FABP12: variants seen among roughly 807,000 people sequenced by gnomAD.
FABP12 encodes fatty acid binding protein 12.
A neutral mutation model predicts 13.7 loss-of-function variants in FABP12; 19 were observed. The ratio of observed to expected loss-of-function variants is 1.39; its 90% CI spans 0.97 to 2.04. The LOEUF (loss-of-function observed/expected upper bound fraction) is 2.04, where lower values mean the gene tolerates loss of function less well. FABP12 is among the 30% of genes most tolerant of loss of function. FABP12 has a pLI of 0.00. For synonymous variants in FABP12, 61 were observed against 57.0 expected (o/e 1.07, Z -0.32); for missense variants, 182 against 164.2 (o/e 1.11, Z -0.59).
At chr8:81,534,166 C>G (rs1026932258), upstream of FABP12, among the ~76,000 whole-genome samples, 1 of 152,072 alleles carries the variant, frequency 6.6e-6, no homozygotes, top group African/African-American at 2.4e-5. Context: ...ATATTTTCCT[C>G]TCACTAACAC....
upstream of FABP12, among the ~76,000 whole-genome samples, chr8:81,536,514 G>A (rs1192135058): frequency 6.6e-6 from 1 of 152,202 alleles, no homozygotes; most frequent in Non-Finnish European, 1.5e-5. Flanking sequence ...GGCATGCAAG[G>A]AGAACTCAGG....
At position 81,553,336 on chromosome 8, in the gene FABP12, T is replaced by G. The variant is rs557416445; in HGVS notation, c.-184-13593A>C. On this transcript the variant is annotated intron_variant, in intron 1 of 5. Transcript: ENST00000692030. ...CTAAAATGTATGGCTGGGTGATCAC[T>G]TCTTCATTTGCTACCTTAAATCTTG... 2.6e-5 allele frequency among the ~76,000 whole-genome samples: 4 copies of G among 152,314 alleles called. No homozygotes were observed. In the South Asian group the frequency reaches 8.3e-4, roughly 32 times the overall value.
chr8:81,562,576 AC>A (rs1422684727), intron 1 of FABP12, among the ~76,000 whole-genome samples: 2 of 152,002 alleles, frequency 1.3e-5, no homozygotes, highest in African/African-American at 4.8e-5. Flanking sequence ...TCTGGCATTT[AC>A]CACAGCTTGA....
chr8:81,569,726 T>C (rs913828573), intron 1 of FABP12, among the ~76,000 whole-genome samples: 6 of 152,224 alleles, frequency 3.9e-5, no homozygotes, highest in African/African-American at 9.6e-5. Flanking sequence ...ATGGGTTATT[T>C]ACCCTTGTTG....
intron 1 of FABP12, among the ~76,000 whole-genome samples, chr8:81,584,386 A>T (rs1244875637): frequency 6.6e-6 from 1 of 152,240 alleles, no homozygotes; most frequent in Non-Finnish European, 1.5e-5. Flanking sequence ...GACTCAGAAG[A>T]GACTTCCCAT....
chr8:81,584,015 G>A (rs1365881), intron 1 of FABP12, among the ~76,000 whole-genome samples: 1 of 152,170 alleles, frequency 6.6e-6, no homozygotes, highest in Non-Finnish European at 1.5e-5. Context: ...ATTTATTCCA[G>A]GGATGCAAAG....
chr8:81,579,075 G>A (rs1312875196), intron 1 of FABP12, among the ~76,000 whole-genome samples: 3 of 148,782 alleles, frequency 2.0e-5, no homozygotes, highest in Admixed American at 6.7e-5. Flanking sequence ...TGATCCACCC[G>A]CCTCTGCCTC....
intron 1 of FABP12, among the ~76,000 whole-genome samples, chr8:81,545,770 G>A (rs1485723588): frequency 1.3e-5 from 2 of 152,134 alleles, no homozygotes; most frequent in East Asian, 3.9e-4. Flanking sequence ...GGACTTAAAG[G>A]ACTATATTAT....
upstream of FABP12, among the ~76,000 whole-genome samples, chr8:81,536,366 T>G (rs1809221930): frequency 6.6e-6 from 1 of 152,228 alleles, no homozygotes; most frequent in Non-Finnish European, 1.5e-5. Flanking sequence ...TCTCATAACT[T>G]TCCTACAAAG....
chr8:81,542,171 G>A (rs975337400), intron 1 of FABP12, among the ~76,000 whole-genome samples: 5 of 152,116 alleles, frequency 3.3e-5, no homozygotes, highest in East Asian at 3.9e-4. Context: ...GAAACTTCCC[G>A]GGAGCTACTG....
At chr8:81,534,760 T>G (rs146136832), upstream of FABP12, among the ~76,000 whole-genome samples, 5 of 152,022 alleles carry the variant, frequency 3.3e-5, no homozygotes, top group African/African-American at 7.2e-5. Flanking sequence ...CTAGCCAACA[T>G]GGCAAAACCC....
At chr8:81,548,752 T>C (rs1809477720) in intron 1 of FABP12, among the ~76,000 whole-genome samples, 1 of 152,076 alleles carries the variant, frequency 6.6e-6, no homozygotes, top group African/African-American at 2.4e-5. Flanking sequence ...TGGTTTTTAC[T>C]GGGAGACAAA....
chr8:81,557,165 G>A (rs185903285), intron 1 of FABP12, among the ~76,000 whole-genome samples: 104 of 152,168 alleles, frequency 6.8e-4, no homozygotes, highest in African/African-American at 2.2e-3. Flanking sequence ...ATGAGCCACC[G>A]CACCTGGCCA....
intron 1 of FABP12, among the ~76,000 whole-genome samples, chr8:81,531,817 C>T (rs1809083347): frequency 6.6e-6 from 1 of 152,136 alleles, no homozygotes; most frequent in Non-Finnish European, 1.5e-5. Flanking sequence ...ATAGATGGTA[C>T]TTGACATTTG....
upstream of FABP12, among the ~76,000 whole-genome samples, chr8:81,536,556 C>T (rs1280785571): frequency 6.6e-6 from 1 of 152,172 alleles, no homozygotes; most frequent in Non-Finnish European, 1.5e-5. Flanking sequence ...TCAATAAACA[C>T]TTGAGTGCCT....
At chr8:81,538,095 T>C (rs1179823339), upstream of FABP12, among the ~76,000 whole-genome samples, 1 of 152,134 alleles carries the variant, frequency 6.6e-6, no homozygotes, top group Non-Finnish European at 1.5e-5. Context: ...TGGCAAGAGC[T>C]AGAGCAAGGG....
At chr8:81,572,457 A>G (rs997428375) in intron 1 of FABP12, among the ~76,000 whole-genome samples, 8 of 152,066 alleles carry the variant, frequency 5.3e-5, no homozygotes, top group African/African-American at 1.7e-4. Context: ...TTTTTTCCCT[A>G]TGGGTAGATA....
intron 3 of FABP12, among the ~76,000 whole-genome samples, chr8:81,528,489 T>C (rs1414408445): frequency 6.6e-6 from 1 of 152,228 alleles, no homozygotes; most frequent in Non-Finnish European, 1.5e-5. Context: ...TAAACTCTCA[T>C]ATTCATTTAG....
chr8:81,533,668 T>A (rs1386444771), intron 1 of FABP12, among the ~76,000 whole-genome samples, 134 bp downstream of exon 1: 1 of 152,208 alleles, frequency 6.6e-6, no homozygotes, highest in Non-Finnish European at 1.5e-5. Flanking sequence ...ACATTAAACA[T>A]GCTCAGGTTT....
Sources: gnomAD v4.1 joint callset for allele counts (sites outside exome capture counted in the v4.1 genomes callset) on GRCh38, gnomAD v4.1.1 for gene constraint, MANE v1.5 for transcripts, NCBI Gene and HGNC (gene_info 2026-07-23, HGNC 2026-07-21) for gene names.